CCDC171: variants seen among roughly 807,000 people sequenced by gnomAD.
The protein encoded by CCDC171 is coiled-coil domain-containing protein 171.
CCDC171 carries 177 observed loss-of-function variants against 168.2 expected under a neutral mutation model. The ratio of observed to expected loss-of-function variants is 1.05; its 90% CI spans 0.93 to 1.19. The LOEUF is 1.19. CCDC171 is among the 50% of genes most tolerant of loss of function. CCDC171 has a pLI of 0.00. For missense variants in CCDC171, 1,991 were observed against 1,539.0 expected (o/e 1.29, Z -4.91); for synonymous variants, 687 against 540.8 (o/e 1.27, Z -3.75).
intron 10 of CCDC171, among the ~76,000 whole-genome samples, chr9:15,691,965 C>T (rs1361780682): frequency 1.3e-5 from 2 of 152,172 alleles, no homozygotes; most frequent in African/African-American, 4.8e-5. Context: ...TGAGCCATTG[C>T]ACCCAGCCTT....
the CCDC171 span, among the ~76,000 whole-genome samples, chr9:16,069,592 C>T: frequency 6.6e-6 from 1 of 152,254 alleles, no homozygotes; most frequent in African/African-American, 2.4e-5. Flanking sequence ...GGTCAGGGAA[C>T]TGTGCTACAT....
At chr9:15,978,299 A>G (rs1831681577), downstream of CCDC171, among the ~76,000 whole-genome samples, 1 of 152,190 alleles carries the variant, frequency 6.6e-6, no homozygotes, top group Non-Finnish European at 1.5e-5. Flanking sequence ...GTTCTCATTC[A>G]CAGTCACAAT....
At chr9:15,642,702 T>G (rs547581934) in intron 7 of CCDC171, among the ~76,000 whole-genome samples, 1 of 152,260 alleles carries the variant, frequency 6.6e-6, no homozygotes, top group South Asian at 2.1e-4. Context: ...ATTGATAGTT[T>G]CAGTAATAAT....
intron 7 of CCDC171, among the ~76,000 whole-genome samples, chr9:15,656,406 G>C (rs1423005943): frequency 6.6e-6 from 1 of 151,810 alleles, no homozygotes; most frequent in Non-Finnish European, 1.5e-5. Context: ...AGAAATGAAA[G>C]TGTGTGTCTC....
At chr9:15,894,679 T>C (rs1201296699) in intron 24 of CCDC171, among the ~76,000 whole-genome samples, 3 of 152,092 alleles carry the variant, frequency 2.0e-5, no homozygotes, top group Non-Finnish European at 2.9e-5. Context: ...TTAGAGGCTT[T>C]GTGCTTGGTG....
chr9:15,562,711 A>G (rs1464015613), intron 1 of CCDC171, among the ~76,000 whole-genome samples: 4 of 152,156 alleles, frequency 2.6e-5, no homozygotes, highest in Non-Finnish European at 5.9e-5. Context: ...TGTGTATTTA[A>G]GCTTTTCAAC....
At chr9:15,987,436 A>G (rs1162421425) in intron 3 of CCDC171, among the ~76,000 whole-genome samples, 3 of 152,320 alleles carry the variant, frequency 2.0e-5, no homozygotes, top group South Asian at 2.1e-4. Flanking sequence ...GTTGGAAAGA[A>G]AAAGCAACAA....
At chr9:16,026,532 C>T (rs1158694193) in intron 6 of CCDC171, among the ~76,000 whole-genome samples, 2 of 152,080 alleles carry the variant, frequency 1.3e-5, no homozygotes, top group Non-Finnish European at 2.9e-5. Context: ...ATCATTTAAC[C>T]TATTCTTGGA....
intron 25 of CCDC171, among the ~76,000 whole-genome samples, chr9:15,969,569 C>G (rs1311594128): frequency 6.6e-6 from 1 of 152,150 alleles, no homozygotes; most frequent in African/African-American, 2.4e-5. Flanking sequence ...CCTCTATTTT[C>G]CATACATAGT....
intron 24 of CCDC171, among the ~76,000 whole-genome samples, chr9:15,894,528 T>G (rs1820648375): frequency 6.6e-6 from 1 of 152,084 alleles, no homozygotes; most frequent in Non-Finnish European, 1.5e-5. Flanking sequence ...TTCAAACTTC[T>G]CACTTTGGCC....
At chr9:15,934,352 T>C (rs1337789621) in intron 25 of CCDC171, among the ~76,000 whole-genome samples, 1 of 139,302 alleles carries the variant, frequency 7.2e-6, no homozygotes. Flanking sequence ...ATCATGCCAC[T>C]GCACTCCAGC....
intron 24 of CCDC171, among the ~76,000 whole-genome samples, chr9:15,903,778 A>G: frequency 6.6e-6 from 1 of 152,230 alleles, no homozygotes; most frequent in Non-Finnish European, 1.5e-5. Flanking sequence ...AAAAACCTTG[A>G]CAAAAGATTA....
chr9:15,676,596 C>T (rs2049586168), intron 9 of CCDC171, among the ~76,000 whole-genome samples: 1 of 152,120 alleles, frequency 6.6e-6, no homozygotes, highest in Non-Finnish European at 1.5e-5. Context: ...CCTTTAACAT[C>T]ATCCTTGGAA....
chr9:15,769,359 C>G (rs1026294034), intron 18 of CCDC171, among the ~76,000 whole-genome samples: 2 of 152,124 alleles, frequency 1.3e-5, no homozygotes, highest in Non-Finnish European at 2.9e-5. Flanking sequence ...TAAGGGATCT[C>G]TTAACCAGGG....
At chr9:15,643,975 T>C (rs1397150630) in intron 7 of CCDC171, among the ~76,000 whole-genome samples, 2 of 152,242 alleles carry the variant, frequency 1.3e-5, no homozygotes, top group African/African-American at 4.8e-5. Context: ...ATTCATTCAT[T>C]GGTTGATGGA....
At chr9:15,725,681 C>T (rs1199108564) in intron 14 of CCDC171, among the ~76,000 whole-genome samples, 1 of 152,124 alleles carries the variant, frequency 6.6e-6, no homozygotes, top group African/African-American at 2.4e-5. Context: ...AACTCCTGAC[C>T]TCAGGTGATC....
At chr9:15,730,935 GTATT>G (rs543965864) in intron 16 of CCDC171, among the ~76,000 whole-genome samples, 68 of 152,034 alleles carry the variant, frequency 4.5e-4, no homozygotes, top group African/African-American at 1.5e-3. Flanking sequence ...TTTTTAAAAA[GTATT>G]TATTTGATAT....
At chr9:15,877,025 GA>G (rs1349774538) in intron 24 of CCDC171, among the ~76,000 whole-genome samples, 2 of 152,104 alleles carry the variant, frequency 1.3e-5, no homozygotes, top group Non-Finnish European at 2.9e-5. Context: ...AATGGAAAGA[GA>G]CCAGTGAGCA....
At chr9:15,605,741 AGTAAGG>A (rs376836813) in intron 6 of CCDC171, among the ~76,000 whole-genome samples, 6 of 152,188 alleles carry the variant, frequency 3.9e-5, no homozygotes, top group African/African-American at 1.4e-4. Flanking sequence ...AAAGCAAGAA[AGTAAGG>A]GTCTTGCCCC....
Sources: gnomAD v4.1 joint callset for allele counts (sites outside exome capture counted in the v4.1 genomes callset) on GRCh38, gnomAD v4.1.1 for gene constraint, MANE v1.5 for transcripts, NCBI Gene and HGNC (gene_info 2026-07-23, HGNC 2026-07-21) for gene names.